LGI1: variants seen among roughly 807,000 people sequenced by gnomAD.
The protein encoded by LGI1 is leucine rich glioma inactivated 1.
LGI1 carries 11 observed loss-of-function variants against 57.7 expected under a neutral mutation model. That is an observed-to-expected ratio of 0.19 (90% CI 0.12 to 0.32). The LOEUF is 0.32. Ranked by LOEUF, LGI1 falls within the 10% of genes least tolerant of loss-of-function variation. The pLI is 1.00. For synonymous variants in LGI1, 222 were observed against 241.9 expected (o/e 0.92, Z 0.76); for missense variants, 422 against 661.9 (o/e 0.64, Z 3.98).
intron 2 of LGI1, chr10:93,772,920 A>C (rs891519923): frequency 1.7e-4 from 26 of 152,002 alleles, no homozygotes; most frequent in African/African-American, 5.8e-4. Context: ...ATAAAAAAAA[A>C]AATACAAAAA....
In LGI1 at chr10:93,758,824, C is replaced by A; in HGVS notation, c.280C>A (p.Gln94Lys). ...EGSFLFTPSL[Q>K]LLLFTSNSFD... The stretch of plus-strand genomic sequence containing the variant: ...GAGTTTTTTATTCACGCCATCGCTG[C>A]AGCTCTTGTGAGAAATATTTATATC... The change falls in exon 2 of 8, where the codon CAG becomes AAG. Residue 94 changes from glutamine to lysine, a missense_variant. Gln to Lys is a moderately conservative substitution (Grantham distance 53). This residue lies in a region of LGI1 where 63 missense variants were observed against 138.4 expected (regional missense o/e 0.46). Coordinates refer to ENST00000371418, the MANE Select transcript of LGI1 (RefSeq NM_005097.4). The surrounding 1 kb of genome is among the most constrained non-coding windows in gnomAD (Gnocchi z 4.7). The A allele has an allele frequency of 6.2e-7, 1 of 1,608,312 alleles. No individual in the cohort carries two copies. The highest frequency in any genetic ancestry group is 8.5e-7 in the Non-Finnish European group (1 of 1,175,040).
At chr10:93,788,799 G>T (rs1319106652) in intron 4 of LGI1, 2 of 152,194 alleles carry the variant, frequency 1.3e-5, no homozygotes, top group Non-Finnish European at 2.9e-5. Flanking sequence ...TTTAATTAGT[G>T]GAGGTAGAAG....
chr10:93,782,186 G>C (rs1322046583), intron 4 of LGI1, among the ~76,000 whole-genome samples: 1 of 152,142 alleles, frequency 6.6e-6, no homozygotes. Context: ...TGAGCCATTA[G>C]TTTCCTTTTT....
intron 2 of LGI1, among the ~76,000 whole-genome samples, chr10:93,774,907 G>A (rs1238881526): frequency 6.6e-6 from 1 of 152,166 alleles, no homozygotes; most frequent in Non-Finnish European, 1.5e-5. Context: ...GTCTTTTTAA[G>A]TATACGTAGG....
intron 7 of LGI1, among the ~76,000 whole-genome samples, chr10:93,796,379 T>C (rs1008484875): frequency 2.6e-5 from 4 of 152,170 alleles, no homozygotes; most frequent in African/African-American, 9.6e-5. Context: ...TCTAAGATCT[T>C]AGATAAACCA....
chr10:93,790,254 T>C, intron 5 of LGI1, 84 bp downstream of exon 5: 1 of 1,187,084 alleles, frequency 8.4e-7, no homozygotes, highest in Non-Finnish European at 1.2e-6. Flanking sequence ...TTATAATTTT[T>C]AATTGGCTTT....
intron 4 of LGI1, among the ~76,000 whole-genome samples, chr10:93,778,262 T>C (rs565906467): frequency 6.6e-6 from 1 of 152,158 alleles, no homozygotes; most frequent in African/African-American, 2.4e-5. Context: ...AGTGGCATCG[T>C]GGGCAGGTTG....
Position 93,758,171 on chromosome 10 carries a change from G to A in LGI1, c.27G>A (p.Met9Ile). 2 of 1,614,166 alleles carry A rather than the reference G, an allele frequency of 1.2e-6. No individual in the cohort carries two copies. Among genetic ancestry groups the A allele is most frequent in the Non-Finnish European group, 1.7e-6 (2 of 1,180,028 alleles). Residue 9 changes from methionine to isoleucine, a missense_variant, in exon 1 of 8, where the codon ATG (methionine) becomes ATA (isoleucine). By Grantham distance (10) the Met-to-Ile change is conservative. Coordinates refer to ENST00000371418, the MANE Select transcript of LGI1 (RefSeq NM_005097.4). This position sits in a 1 kb window ranked among gnomAD's most constrained non-coding sequence, Gnocchi z 4.7. ...TGGAATCAGAAAGAAGCAAAAGGATGGGAAATGCCTGCATTCCCCTGAAAA... is the reference window on the plus strand; with the variant it reads ...TGGAATCAGAAAGAAGCAAAAGGATAGGAAATGCCTGCATTCCCCTGAAAA... MESERSKR[M>I]GNACIPLKRI... is the part of the protein sequence containing the mutation.
At position 93,758,592 on chromosome 10, in the gene LGI1, G is replaced by A. The variant is rs138768381; in HGVS notation, c.216-168G>A. Reference sequence around the variant, plus strand: ...ACATTATCATGAGAAACCTGTAGCCGATTCATTTCTCTTACTTCATCTGGG... The same window carrying A: ...ACATTATCATGAGAAACCTGTAGCCAATTCATTTCTCTTACTTCATCTGGG... On this transcript the variant is annotated intron_variant, in intron 1 of 7. Coordinates refer to ENST00000371418, the MANE Select transcript of LGI1 (RefSeq NM_005097.4). The surrounding 1 kb of genome is among the most constrained non-coding windows in gnomAD (Gnocchi z 4.7). 228 of 690,390 alleles carry A rather than the reference G, an allele frequency of 3.3e-4. 3 individuals are homozygous for A. The highest frequency in any genetic ancestry group is 3.3e-3 in the African/African-American group (182 of 55,868). 42.8% of individuals were successfully genotyped at this position (690,390 alleles called of 1,614,324 possible). A position where few individuals can be genotyped will look rare whatever the true frequency, so the allele number is the denominator to read the frequency against.
At chr10:93,796,944 A>G (rs983467719) in intron 7 of LGI1, 24 bp from the exon 8 acceptor site, 5 of 1,575,272 alleles carry the variant, frequency 3.2e-6, no homozygotes, top group Non-Finnish European at 4.4e-6. Flanking sequence ...CCACACAACT[A>G]ATCTCTCCTT....
At chr10:93,775,369 T>G in intron 2 of LGI1, among the ~76,000 whole-genome samples, 1 of 152,204 alleles carries the variant, frequency 6.6e-6, no homozygotes, top group East Asian at 1.9e-4. Flanking sequence ...ATCCTTAGTT[T>G]TGCATATGCA....
intron 5 of LGI1, 42 bp downstream of exon 5, chr10:93,790,212 C>T (rs760533415): frequency 6.9e-7 from 1 of 1,459,318 alleles, no homozygotes; most frequent in South Asian, 1.2e-5. Context: ...AATTAATTTG[C>T]AGTCATTAAC....
At chr10:93,761,880 C>T (rs959847322) in intron 2 of LGI1, among the ~76,000 whole-genome samples, 1 of 152,120 alleles carries the variant, frequency 6.6e-6, no homozygotes, top group African/African-American at 2.4e-5. Context: ...AACGATTATG[C>T]GTTCTAGCTT....
intron 4 of LGI1, among the ~76,000 whole-genome samples, chr10:93,788,159 T>C (rs986755902): frequency 2.6e-5 from 4 of 152,310 alleles, no homozygotes; most frequent in Non-Finnish European, 4.4e-5. Flanking sequence ...GAAAATAAAC[T>C]GAGACACATA....
At chr10:93,796,890 G>T (rs141611645) in intron 7 of LGI1, 78 bp from the exon 8 acceptor site, 2 of 1,189,622 alleles carry the variant, frequency 1.7e-6, no homozygotes, top group African/African-American at 3.0e-5. Flanking sequence ...GGTGGAAGTT[G>T]TATGGCCCCA....
At chr10:93,780,186 A>G (rs1330237126) in intron 4 of LGI1, 1 of 153,346 alleles carries the variant, frequency 6.5e-6, no homozygotes, top group Admixed American at 6.5e-5. Context: ...GCTATTCTTC[A>G]TGGTACAATT....
chr10:93,777,257 G>T, intron 2 of LGI1, 122 bp from the exon 3 acceptor site: 1 of 816,886 alleles, frequency 1.2e-6, no homozygotes, highest in African/African-American at 1.7e-5. Context: ...TAACACTGTA[G>T]CAGACAGCCA....
chr10:93,789,221 TA>T (rs879575823), intron 4 of LGI1: 4 of 152,086 alleles, frequency 2.6e-5, no homozygotes, highest in Non-Finnish European at 5.9e-5. Flanking sequence ...GGGGGATGAT[TA>T]AAGAGAATAG....
intron 2 of LGI1, among the ~76,000 whole-genome samples, chr10:93,761,403 C>T (rs948477199): frequency 1.3e-5 from 2 of 152,172 alleles, no homozygotes; most frequent in Admixed American, 6.5e-5. Flanking sequence ...GCTTGATTGA[C>T]GTAGGAAGAC....
Sources: allele counts gnomAD v4.1 joint callset (sites outside exome capture counted in the v4.1 genomes callset), GRCh38; gene constraint gnomAD v4.1.1; regional missense constraint gnomAD v4.1.1; non-coding constraint Gnocchi (gnomAD v3.1); transcripts MANE v1.5; gene names NCBI Gene and HGNC (gene_info 2026-07-23, HGNC 2026-07-21).